The following TERT variants were observed in gnomAD, a reference collection of about 807,000 sequenced individuals.
TERT encodes telomerase catalytic subunit.
TERT carries 42 observed loss-of-function variants against 104.0 expected under a neutral mutation model. That is an observed-to-expected ratio of 0.40 (90% CI 0.32 to 0.52). The LOEUF (loss-of-function observed/expected upper bound fraction) is 0.52. TERT is among the 20% of genes least tolerant of loss of function. TERT has a pLI of 0.43. For missense variants in TERT, 1,101 were observed against 1,610.3 expected (o/e 0.68, Z 5.41); for synonymous variants, 781 against 725.6 (o/e 1.08, Z -1.23).
Position 1,270,424 on chromosome 5 carries a change from A to G in TERT, c.2468+695T>C, listed in dbSNP as rs34860744. Among the ~76,000 whole-genome samples, 2,337 of 152,254 alleles carry G rather than the reference A, an allele frequency of 0.015. 72 individuals are homozygous for G. Among genetic ancestry groups the G allele is most frequent in the African/African-American group, 0.054 (2,250 of 41,544 alleles). ...GTGCTACCACTCTCCCCAGGCACACACAGGGTCGCAGGCAGATGCCTGCCG... is the reference window on the plus strand; with the variant it reads ...GTGCTACCACTCTCCCCAGGCACACGCAGGGTCGCAGGCAGATGCCTGCCG... On this transcript the variant is annotated intron_variant, in intron 8 of 15. Coordinates refer to ENST00000310581, the MANE Select transcript of TERT (RefSeq NM_198253.3). This position sits in a 1 kb window ranked among gnomAD's most constrained non-coding sequence, Gnocchi z 8.3.
rs1280050150 is a variant in TERT, at chr5:1,253,401, G to A, written c.*327C>T. ...CGAGGGGTGAACAATGGCGAATCTG[G>A]GGATGGACTATTCCTATGTGGGGAG... On this transcript the variant is annotated 3_prime_UTR_variant, in exon 16 of 16. Transcript: ENST00000310581. The A allele has an allele frequency of 2.0e-5, 10 of 494,144 alleles. No individual in the cohort carries two copies. The highest frequency in any genetic ancestry group is 3.3e-5 in the Non-Finnish European group (9 of 269,940). The allele number at this position is 494,144 out of a possible 1,614,324, so 30.6% of individuals were successfully genotyped here. A position where few individuals can be genotyped will look rare whatever the true frequency, so the allele number is the denominator to read the frequency against.
In TERT at chr5:1,270,495, C is replaced by T. The variant is rs1165613960; in HGVS notation, c.2468+624G>A. ...AAAATCCAGAGGACGTGATGTGGCA[C>T]CAGGCACTGTGGCTCTACCACCGTG... On this transcript the variant is annotated intron_variant, in intron 8 of 15. Transcript: ENST00000310581. The surrounding 1 kb of genome is among the most constrained non-coding windows in gnomAD (Gnocchi z 8.3). Among the ~76,000 whole-genome samples the T allele has an allele frequency of 6.6e-6, 1 of 152,162 alleles. No individual in the cohort carries two copies. The highest frequency in any genetic ancestry group is 2.4e-5 in the African/African-American group (1 of 41,444).
At chr5:1,254,861 T>C (rs1747602977) in intron 14 of TERT, among the ~76,000 whole-genome samples, 1 of 152,010 alleles carries the variant, frequency 6.6e-6, no homozygotes, top group African/African-American at 2.4e-5. Context: ...ATACGCGGCC[T>C]CTGCTCCTGA....
rs547075391 is a variant in TERT at position 1,274,561 on chromosome 5, G to A, written c.2287-2281C>T. Among the ~76,000 whole-genome samples the A allele has an allele frequency of 9.8e-5, 15 of 152,318 alleles. 1 individual carries two copies. In the South Asian group the frequency reaches 2.7e-3, roughly 27 times the overall value. On this transcript the variant is annotated intron_variant, in intron 6 of 15. Coordinates refer to ENST00000310581, the MANE Select transcript of TERT (RefSeq NM_198253.3). The surrounding 1 kb of genome is among the most constrained non-coding windows in gnomAD (Gnocchi z 5.3). Reference sequence around the variant, plus strand: ...ATCATCAGGCATTAGATTCCCATAAGGAGCACAGAATCTAGACCCCTCTCA... The same window carrying A: ...ATCATCAGGCATTAGATTCCCATAAAGAGCACAGAATCTAGACCCCTCTCA...
In TERT at chr5:1,255,393, C is replaced by G. The variant is rs1297455788; in HGVS notation, c.3051G>C (p.Leu1017=). The change falls in exon 14 of 16, where the codon CTG becomes CTC. Residue 1017 remains leucine (L), a synonymous_variant. Coordinates refer to ENST00000310581, the MANE Select transcript of TERT (RefSeq NM_198253.3). This position sits in a 1 kb window ranked among gnomAD's most constrained non-coding sequence, Gnocchi z 6.9. Reference sequence around the variant, plus strand: ...AAACTTGCTGATGAAATGGGAGCTGCAGCACACATGCGTGAAACCTGAGAG... The same window carrying G: ...AAACTTGCTGATGAAATGGGAGCTGGAGCACACATGCGTGAAACCTGAGAG... ...LQAYRFHACV[L]QLPFHQQVWK... The G allele has an allele frequency of 6.2e-7, 1 of 1,614,120 alleles. No homozygotes were observed. Among genetic ancestry groups the G allele is most frequent in the Non-Finnish European group, 8.5e-7 (1 of 1,180,050 alleles).
At chr5:1,290,504 C>G (rs1425183929) in intron 2 of TERT, among the ~76,000 whole-genome samples, 2 of 52,724 alleles carry the variant, frequency 3.8e-5, no homozygotes, top group African/African-American at 1.4e-4. Context: ...ACAGGGACAC[C>G]CGGGGACAGC....
Position 1,255,504 on chromosome 5 carries a change from G to T in TERT, c.3033-93C>A. 1.3e-5 allele frequency: 20 copies of T among 1,487,768 alleles called. No homozygotes were observed. The highest frequency in any genetic ancestry group is 1.9e-5 in the Non-Finnish European group (20 of 1,070,372). 92.2% of individuals were successfully genotyped at this position (1,487,768 alleles called of 1,614,324 possible). On this transcript the variant is annotated intron_variant, in intron 13 of 15. Coordinates refer to ENST00000310581, the MANE Select transcript of TERT (RefSeq NM_198253.3). This position sits in a 1 kb window ranked among gnomAD's most constrained non-coding sequence, Gnocchi z 6.9. ...TGGGCCCACCGGTGCCTGTGTGCGT[G>T]CATGAATGCACATGCATGGGTTTCC...
intron 12 of TERT, among the ~76,000 whole-genome samples, chr5:1,258,916 G>A (rs571327157): frequency 4.6e-5 from 7 of 152,004 alleles, no homozygotes; most frequent in African/African-American, 7.2e-5. Flanking sequence ...GGGAGTGGAC[G>A]CAAATGCCCA....
At chr5:1,278,882 TC>T in intron 5 of TERT, 86 bp from the exon 6 acceptor site, 1 of 1,568,830 alleles carries the variant, frequency 6.4e-7, no homozygotes, top group Non-Finnish European at 8.7e-7. Flanking sequence ...CCTGGCGGTG[TC>T]CCCCACTCTC....
rs1750563484 is a variant in TERT, at chr5:1,287,491, C to A, written c.1574-4867G>T. On this transcript the variant is annotated intron_variant, in intron 2 of 15. Coordinates refer to ENST00000310581, the MANE Select transcript of TERT (RefSeq NM_198253.3). This position sits in a 1 kb window ranked among gnomAD's most constrained non-coding sequence, Gnocchi z 4.3. ...TCACCCTGGGCGACAGACCAAGACTCTGTCTCAAAAAAAAAAAATATATAT... is the reference window on the plus strand; with the variant it reads ...TCACCCTGGGCGACAGACCAAGACTATGTCTCAAAAAAAAAAAATATATAT... 1.3e-5 allele frequency among the ~76,000 whole-genome samples: 1 copy of A among 74,534 alleles called. No homozygotes were observed. Among genetic ancestry groups the A allele is most frequent in the African/African-American group, 5.7e-5 (1 of 17,662 alleles). The allele number at this position is 74,534 out of a possible 152,430, so 48.9% of individuals were successfully genotyped here.
rs532610319 is a variant in TERT at position 1,274,037 on chromosome 5, C to A, written c.2287-1757G>T. On this transcript the variant is annotated intron_variant, in intron 6 of 15. Coordinates refer to ENST00000310581, the MANE Select transcript of TERT (RefSeq NM_198253.3). The surrounding 1 kb of genome is among the most constrained non-coding windows in gnomAD (Gnocchi z 5.3). The stretch of plus-strand genomic sequence containing the variant: ...GTCATTTACTACGGGACCTGCTAAG[C>A]CCCTGCGTCCCCAAGACAGGATGTG... Among the ~76,000 whole-genome samples, 8 of 152,338 alleles carry A rather than the reference C, an allele frequency of 5.3e-5. No homozygotes were observed. Among genetic ancestry groups the A allele is most frequent in the African/African-American group, 1.7e-4 (7 of 41,580 alleles).
Position 1,287,809 on chromosome 5 carries a change from C to A in TERT, c.1574-5185G>T, listed in dbSNP as rs189035754. Among the ~76,000 whole-genome samples, 72 of 152,080 alleles carry A rather than the reference C, an allele frequency of 4.7e-4. No individual in the cohort carries two copies. The highest frequency in any genetic ancestry group is 1.5e-3 in the African/African-American group (64 of 41,480). On this transcript the variant is annotated intron_variant, in intron 2 of 15. Coordinates refer to ENST00000310581, the MANE Select transcript of TERT (RefSeq NM_198253.3). This position sits in a 1 kb window ranked among gnomAD's most constrained non-coding sequence, Gnocchi z 4.3. Reference sequence around the variant, plus strand: ...TCATGCATCTAGAAGGAGACAGAAGCTTTGCACTGGACCTTAATAAGCTGG... The same window carrying A: ...TCATGCATCTAGAAGGAGACAGAAGATTTGCACTGGACCTTAATAAGCTGG...
At chr5:1,278,502 C>T (rs1749771638) in intron 6 of TERT, 139 bp downstream of exon 6, 1 of 1,241,032 alleles carries the variant, frequency 8.1e-7, no homozygotes. Flanking sequence ...CACACACGTG[C>T]CACACACGCA....
Position 1,262,544 on chromosome 5 carries a change from AG to A in TERT, c.2843+1859del, listed in dbSNP as rs902199644. Among the ~76,000 whole-genome samples the A allele has an allele frequency of 6.6e-5, 10 of 152,206 alleles. No individual in the cohort carries two copies. Among genetic ancestry groups the A allele is most frequent in the Admixed American group, 2.0e-4 (3 of 15,282 alleles). On this transcript the variant is annotated intron_variant, in intron 11 of 15. Coordinates refer to ENST00000310581, the MANE Select transcript of TERT (RefSeq NM_198253.3). This position sits in a 1 kb window ranked among gnomAD's most constrained non-coding sequence, Gnocchi z 5.6. The stretch of plus-strand genomic sequence containing the variant: ...ACACAGAGGATGTGAGTTCACCCTG[AG>A]TATGGCGAACCACTGCCTCCACTGC...
In TERT at chr5:1,279,327, C is replaced by G; in HGVS notation, c.2094G>C (p.Arg698=). The G allele has an allele frequency of 6.3e-7, 1 of 1,585,988 alleles. No homozygotes were observed. The highest frequency in any genetic ancestry group is 1.3e-5 in the African/African-American group (1 of 74,484). ...RAWRTFVLRV[R]AQDPPPELYF... is the part of the protein sequence containing the mutation. ...ACAGCTCAGGCGGCGGGTCCTGGGC[C>G]CGCACACGCAGCACGAAGGTGCGCC... is the stretch of plus-strand genomic sequence containing the variant. Residue 698 remains arginine, a synonymous_variant, in exon 5 of 16, where the codon CGG becomes CGC. Transcript: ENST00000310581.
In TERT at chr5:1,292,071, A is replaced by T. The variant is rs1379170558; in HGVS notation, c.1573+1242T>A. 6.6e-6 allele frequency among the ~76,000 whole-genome samples: 1 copy of T among 152,218 alleles called. No homozygotes were observed. Among genetic ancestry groups the T allele is most frequent in the Non-Finnish European group, 1.5e-5 (1 of 68,046 alleles). ...GTTAGCAATTCTGCACTGTACACAG[A>T]AAACGGTGTTAGGAGTGCCAATCTC... On this transcript the variant is annotated intron_variant, in intron 2 of 15. Transcript: ENST00000310581. The surrounding 1 kb of genome is among the most constrained non-coding windows in gnomAD (Gnocchi z 5.5).
At chr5:1,293,117 G>T (rs879295769) in intron 2 of TERT, among the ~76,000 whole-genome samples, 196 bp downstream of exon 2, 2 of 152,244 alleles carry the variant, frequency 1.3e-5, no homozygotes, top group Non-Finnish European at 2.9e-5. Flanking sequence ...GGTGAACCTC[G>T]TAAGTTTATG....
rs112761723 is a variant in TERT at position 1,274,437 on chromosome 5, A to G, written c.2287-2157T>C. Among the ~76,000 whole-genome samples, 451 of 152,336 alleles carry G rather than the reference A, an allele frequency of 3.0e-3. 4 individuals carry two copies. Among genetic ancestry groups the G allele is most frequent in the African/African-American group, 0.01 (431 of 41,582 alleles). ...GCAGGTCTTTAGCACAGGGTCCCCA[A>G]CCATTGTGGTACCAGGGACTGGTTT... On this transcript the variant is annotated intron_variant, in intron 6 of 15. Transcript: ENST00000310581. The surrounding 1 kb of genome is among the most constrained non-coding windows in gnomAD (Gnocchi z 5.3).
In TERT at chr5:1,253,626, T is replaced by C. The variant is rs1747492662; in HGVS notation, c.*102A>G. Reference sequence around the variant, plus strand: ...CACTCAGGCCTCAGACTCCCAGCGGTGCGGGCCTGGGTGTGGGCCGCCCCT... The same window carrying C: ...CACTCAGGCCTCAGACTCCCAGCGGCGCGGGCCTGGGTGTGGGCCGCCCCT... On this transcript the variant is annotated 3_prime_UTR_variant, in exon 16 of 16. Coordinates refer to ENST00000310581, the MANE Select transcript of TERT (RefSeq NM_198253.3). 1.0e-6 allele frequency: 1 copy of C among 967,788 alleles called. No individual in the cohort carries two copies. The highest frequency in any genetic ancestry group is 1.4e-5 in the South Asian group (1 of 72,516). 60.0% of individuals were successfully genotyped at this position (967,788 alleles called of 1,614,324 possible). A position where few individuals can be genotyped will look rare whatever the true frequency, so the allele number is the denominator to read the frequency against.
Sources: gnomAD v4.1 joint callset for allele counts (sites outside exome capture counted in the v4.1 genomes callset) on GRCh38, gnomAD v4.1.1 for gene constraint, Gnocchi (gnomAD v3.1) non-coding constraint, MANE v1.5 for transcripts, NCBI Gene and HGNC (gene_info 2026-07-23, HGNC 2026-07-21) for gene names.